PRKG1: variants seen among roughly 807,000 people sequenced by gnomAD.
The protein encoded by PRKG1 is protein kinase cGMP-dependent 1.
In PRKG1, 35 loss-of-function variants were observed where a neutral mutation model predicts 88.1. That is an observed-to-expected ratio of 0.40 (90% confidence interval 0.30 to 0.53). The LOEUF (loss-of-function observed/expected upper bound fraction) is 0.53. Ranked by LOEUF, PRKG1 falls within the 20% of genes least tolerant of loss-of-function variation. PRKG1 has a pLI of 0.59. For synonymous variants in PRKG1, 303 were observed against 292.5 expected, an observed-to-expected ratio of 1.04 and a Z score of -0.37; for missense variants, 540 against 839.8, an observed-to-expected ratio of 0.64 and a Z score of 4.41.
chr10:52,015,198 G>T (rs1589519740), intron 5 of PRKG1, among the ~76,000 whole-genome samples: 2 of 152,212 alleles, frequency 1.3e-5, no homozygotes, highest in Non-Finnish European at 2.9e-5. Context: ...CTTCTGCCTG[G>T]ACATCCAGGC....
chr10:51,412,180 TGAGAGAGAGA>T (rs746950388), intron 2 of PRKG1, among the ~76,000 whole-genome samples: 167 of 125,332 alleles, frequency 1.3e-3, no homozygotes, highest in South Asian at 2.6e-3. Context: ...GGAGAGAGAG[TGAGAGAGAGA>T]GAGAGAGAGA....
At chr10:51,963,903 G>A (rs1317597120) in intron 5 of PRKG1, among the ~76,000 whole-genome samples, 1 of 152,144 alleles carries the variant, frequency 6.6e-6, no homozygotes, top group Admixed American at 6.5e-5. Context: ...TATTGCTGCT[G>A]TAACAAATTA....
intron 2 of PRKG1, among the ~76,000 whole-genome samples, chr10:51,418,376 G>A (rs1197587948): frequency 1.3e-5 from 2 of 152,108 alleles, no homozygotes; most frequent in Non-Finnish European, 2.9e-5. Flanking sequence ...AGACTAAAAT[G>A]GCCAAAAATA....
chr10:51,712,741 C>A (rs1038916897), intron 3 of PRKG1, among the ~76,000 whole-genome samples: 1 of 151,836 alleles, frequency 6.6e-6, no homozygotes, highest in Admixed American at 6.6e-5. Context: ...AGGCGCCCGC[C>A]ACCACGCCCG....
chr10:51,699,078 C>T lies in PRKG1; in HGVS notation c.593-105507C>T, dbSNP rs375101486. The T allele has an allele frequency of 6.2e-7, 1 of 1,614,100 alleles. No individual in the cohort carries two copies. The highest frequency in any genetic ancestry group is 1.3e-5 in the African/African-American group (1 of 74,938). ...GGATTTTGAAGTAACATGTTTCGAG[C>T]TTCCTGGTGGCTGTTTTGGACACAG... On this transcript the variant is annotated intron_variant, in intron 3 of 17. Coordinates refer to ENST00000373980, the MANE Select transcript of PRKG1 (RefSeq NM_006258.4).
intron 5 of PRKG1, among the ~76,000 whole-genome samples, chr10:51,942,810 A>G (rs1210712936): frequency 4.0e-5 from 6 of 150,924 alleles, no homozygotes; most frequent in African/African-American, 1.5e-4. Flanking sequence ...CCATTGATCT[A>G]TATCTCTGTT....
intron 9 of PRKG1, among the ~76,000 whole-genome samples, chr10:52,244,686 A>G (rs1840958953): frequency 6.9e-6 from 1 of 143,996 alleles, no homozygotes; most frequent in South Asian, 2.1e-4. Flanking sequence ...ATTATATATT[A>G]AATAATATAT....
chr10:51,574,317 A>G (rs967059655), intron 3 of PRKG1, among the ~76,000 whole-genome samples: 1 of 151,910 alleles, frequency 6.6e-6, no homozygotes, highest in Non-Finnish European at 1.5e-5. Flanking sequence ...GTAGATTTGG[A>G]TGTTATAGCT....
intron 1 of PRKG1, among the ~76,000 whole-genome samples, chr10:51,037,221 G>A (rs1452914006): frequency 6.6e-6 from 1 of 152,122 alleles, no homozygotes; most frequent in African/African-American, 2.4e-5. Flanking sequence ...GCCGAGGCAG[G>A]AGGATTGTTT....
intron 3 of PRKG1, among the ~76,000 whole-genome samples, chr10:51,508,137 C>G (rs1350307733): frequency 6.6e-6 from 1 of 151,964 alleles, no homozygotes; most frequent in African/African-American, 2.4e-5. Context: ...CCCCATAGAG[C>G]TAGAACAAAG....
At chr10:51,899,655 C>CA (rs1229876678) in intron 4 of PRKG1, among the ~76,000 whole-genome samples, 1 of 87,802 alleles carries the variant, frequency 1.1e-5, no homozygotes, top group Non-Finnish European at 2.4e-5. Context: ...GAGAGTCTGT[C>CA]AAAAAAAAGA....
intron 5 of PRKG1, among the ~76,000 whole-genome samples, chr10:52,047,572 A>G (rs1035394924): frequency 6.6e-6 from 1 of 152,142 alleles, no homozygotes; most frequent in Admixed American, 6.6e-5. Context: ...CGTTCTTGGC[A>G]TCTCTAGATA....
chr10:51,183,389 G>A, intron 2 of PRKG1, among the ~76,000 whole-genome samples: 1 of 152,156 alleles, frequency 6.6e-6, no homozygotes, highest in South Asian at 2.1e-4. Flanking sequence ...CTAGTACCCT[G>A]GATCTCATGC....
chr10:52,003,502 T>C (rs1435730514), intron 5 of PRKG1, among the ~76,000 whole-genome samples: 3 of 152,320 alleles, frequency 2.0e-5, no homozygotes, highest in Non-Finnish European at 2.9e-5. Flanking sequence ...TTTTGGAGTC[T>C]TGTGCTCATC....
chr10:51,533,693 A>G (rs1310419350), intron 3 of PRKG1, among the ~76,000 whole-genome samples: 1 of 151,622 alleles, frequency 6.6e-6, no homozygotes, highest in Non-Finnish European at 1.5e-5. Context: ...AAAATCATTT[A>G]TTATATATTC....
At chr10:51,062,973 C>T (rs1398700337) in intron 1 of PRKG1, 1 of 152,120 alleles carries the variant, frequency 6.6e-6, no homozygotes, top group African/African-American at 2.4e-5. Context: ...TACAAATAAG[C>T]TATTAATTTT....
chr10:51,193,210 G>A (rs749073277), intron 2 of PRKG1, among the ~76,000 whole-genome samples: 3 of 151,912 alleles, frequency 2.0e-5, no homozygotes, highest in African/African-American at 4.8e-5. Context: ...GACAGTTTGG[G>A]GAATGAAGGT....
chr10:51,139,270 T>A (rs1845768969), intron 1 of PRKG1, among the ~76,000 whole-genome samples: 1 of 152,228 alleles, frequency 6.6e-6, no homozygotes, highest in Non-Finnish European at 1.5e-5. Context: ...GAGCAGTGTT[T>A]ATTATTGCTA....
At chr10:51,605,889 A>T (rs1244261217) in intron 3 of PRKG1, among the ~76,000 whole-genome samples, 1 of 152,202 alleles carries the variant, frequency 6.6e-6, no homozygotes, top group Non-Finnish European at 1.5e-5. Context: ...TCCTGGACAA[A>T]TAAGTTACTT....
Sources: gnomAD v4.1 joint callset for allele counts (sites outside exome capture counted in the v4.1 genomes callset) on GRCh38, gnomAD v4.1.1 for gene constraint, MANE v1.5 for transcripts, NCBI Gene and HGNC (gene_info 2026-07-23, HGNC 2026-07-21) for gene names.